ADARB2: variants seen among roughly 807,000 people sequenced by gnomAD.
ADARB2 encodes adenosine deaminase RNA specific B2 (inactive).
In ADARB2, 25 loss-of-function variants were observed where a neutral mutation model predicts 62.2. The observed-to-expected ratio is 0.40, with a 90% CI of 0.29 to 0.56. ADARB2 has a LOEUF of 0.56. Ranked by LOEUF, ADARB2 falls within the 20% of genes least tolerant of loss-of-function variation. The probability of loss-of-function intolerance (pLI) is 0.43; values close to 1 mark genes in which losing one functional copy is unlikely to be tolerated. For synonymous variants in ADARB2, 572 were observed against 500.8 expected (o/e 1.14, Z -1.90); for missense variants, 1,071 against 1,077.4 (o/e 0.99, Z 0.08).
At chr10:1,369,054 G>C (rs1173402472) in intron 2 of ADARB2, among the ~76,000 whole-genome samples, 1 of 152,234 alleles carries the variant, frequency 6.6e-6, no homozygotes, top group Non-Finnish European at 1.5e-5. Flanking sequence ...GCCTCTTGCT[G>C]TAGTGACTGC....
At chr10:1,324,651 T>C (rs534693026) in intron 3 of ADARB2, among the ~76,000 whole-genome samples, 5 of 152,304 alleles carry the variant, frequency 3.3e-5, no homozygotes, top group Admixed American at 6.5e-5. Context: ...TACTGCATGA[T>C]TGCATTTATA....
chr10:1,245,198 A>G lies in ADARB2; in HGVS notation c.1193-2899T>C, dbSNP rs11250356. Among the ~76,000 whole-genome samples, 440 of 152,314 alleles carry G rather than the reference A, an allele frequency of 2.9e-3. 1 individual carries two copies. The highest frequency in any genetic ancestry group is 9.7e-3 in the African/African-American group (403 of 41,574). On this transcript the variant is annotated intron_variant, in intron 4 of 9. Coordinates refer to ENST00000381312, the MANE Select transcript of ADARB2 (RefSeq NM_018702.4). Reference sequence around the variant, plus strand: ...TGGGAGGGACCCAGAGAGCACAGCAAGGACCGAATCCACAGGATTTGGGAA... The same window carrying G: ...TGGGAGGGACCCAGAGAGCACAGCAGGGACCGAATCCACAGGATTTGGGAA...
intron 1 of ADARB2, among the ~76,000 whole-genome samples, chr10:1,577,564 G>A (rs372327609): frequency 1.3e-5 from 2 of 152,358 alleles, no homozygotes; most frequent in East Asian, 3.9e-4. Flanking sequence ...CAGGGCCTCC[G>A]ACCAGGGCTG....
intron 1 of ADARB2, among the ~76,000 whole-genome samples, chr10:1,668,783 G>A (rs879581661): frequency 5.9e-5 from 9 of 152,194 alleles, no homozygotes; most frequent in Non-Finnish European, 1.0e-4. Flanking sequence ...AAGGAGAAGG[G>A]CATTCTAATC....
At chr10:1,481,688 C>T (rs936767428) in intron 1 of ADARB2, among the ~76,000 whole-genome samples, 2 of 151,966 alleles carry the variant, frequency 1.3e-5, no homozygotes, top group Non-Finnish European at 2.9e-5. Context: ...GAAACCCCAT[C>T]TCTACTAAAA....
intron 1 of ADARB2, among the ~76,000 whole-genome samples, chr10:1,634,612 G>A (rs903825225): frequency 6.6e-6 from 1 of 152,174 alleles, no homozygotes; most frequent in Admixed American, 6.5e-5. Flanking sequence ...CATATACTTG[G>A]CAAGATTCCT....
At chr10:1,627,711 G>A (rs1833788396) in intron 1 of ADARB2, among the ~76,000 whole-genome samples, 1 of 152,186 alleles carries the variant, frequency 6.6e-6, no homozygotes, top group African/African-American at 2.4e-5. Context: ...GTTTTCTCTG[G>A]CTTTTCTCTC....
chr10:1,600,746 G>A (rs993444050), intron 1 of ADARB2, among the ~76,000 whole-genome samples: 3 of 151,342 alleles, frequency 2.0e-5, no homozygotes, highest in African/African-American at 7.3e-5. Context: ...ACTAGAAGGA[G>A]TCCCATTGAT....
At chr10:1,690,000 T>C (rs978072918) in intron 1 of ADARB2, among the ~76,000 whole-genome samples, 40 of 152,020 alleles carry the variant, frequency 2.6e-4, no homozygotes, top group Non-Finnish European at 5.9e-5. Context: ...GTTTTTTGTT[T>C]GTTTTTGTTT....
At position 1,182,222 on chromosome 10, in the gene ADARB2, T is replaced by A. The variant is rs1375145498; in HGVS notation, c.*971A>T. On this transcript the variant is annotated 3_prime_UTR_variant, in exon 10 of 10. Transcript: ENST00000381312. ...TCAGAATTTGATCAAAGACTTGGTC[T>A]CCTTATTACCTGGTAGGGAGGTTAT... 3.9e-5 allele frequency: 6 copies of A among 152,264 alleles called. No homozygotes were observed. Among genetic ancestry groups the A allele is most frequent in the Non-Finnish European group, 8.8e-5 (6 of 68,044 alleles). 9.4% of individuals were successfully genotyped at this position (152,264 alleles called of 1,614,324 possible).
At chr10:1,390,190 C>T (rs1832558038) in intron 1 of ADARB2, among the ~76,000 whole-genome samples, 1 of 152,104 alleles carries the variant, frequency 6.6e-6, no homozygotes, top group South Asian at 2.1e-4. Flanking sequence ...TTATGCTGAG[C>T]AAAAAAGTCT....
At chr10:1,437,118 T>A (rs1276689516) in intron 1 of ADARB2, among the ~76,000 whole-genome samples, 1 of 152,190 alleles carries the variant, frequency 6.6e-6, no homozygotes. Flanking sequence ...TAAAAAAATG[T>A]ACAAACTTCA....
chr10:1,655,491 G>A (rs1422382075), intron 1 of ADARB2, among the ~76,000 whole-genome samples: 1 of 152,186 alleles, frequency 6.6e-6, no homozygotes, highest in African/African-American at 2.4e-5. Context: ...TACCTAATTT[G>A]CTATTGATTA....
At chr10:1,724,006 G>A (rs907695888) in intron 1 of ADARB2, among the ~76,000 whole-genome samples, 4 of 152,210 alleles carry the variant, frequency 2.6e-5, no homozygotes, top group African/African-American at 9.7e-5. Context: ...TTCCGAAGGT[G>A]AATTTCTGTG....
At chr10:1,452,624 G>C (rs1014103904) in intron 1 of ADARB2, among the ~76,000 whole-genome samples, 55 of 144,352 alleles carry the variant, frequency 3.8e-4, no homozygotes, top group African/African-American at 1.1e-3. Context: ...GGTTGGGGGG[G>C]GGAATATCAC....
chr10:1,636,556 C>T (rs1318922987), intron 1 of ADARB2, among the ~76,000 whole-genome samples: 1 of 151,872 alleles, frequency 6.6e-6, no homozygotes, highest in Non-Finnish European at 1.5e-5. Context: ...TGGGGGGAGG[C>T]TCCGCACAGA....
chr10:1,195,008 T>C (rs1179095729), intron 8 of ADARB2, among the ~76,000 whole-genome samples: 1 of 152,214 alleles, frequency 6.6e-6, no homozygotes, highest in African/African-American at 2.4e-5. Context: ...AAGTCAGGAG[T>C]GGAGACCATT....
chr10:1,518,871 G>A (rs1157617732), intron 1 of ADARB2, among the ~76,000 whole-genome samples: 1 of 151,588 alleles, frequency 6.6e-6, no homozygotes, highest in Non-Finnish European at 1.5e-5. Context: ...TCATACACAT[G>A]CATTCCATGT....
At chr10:1,315,659 G>A (rs1045639972) in intron 3 of ADARB2, among the ~76,000 whole-genome samples, 11 of 152,226 alleles carry the variant, frequency 7.2e-5, no homozygotes, top group African/African-American at 2.7e-4. Context: ...GAGGGGCTTT[G>A]AGGGGCCCCT....
Sources: gnomAD v4.1 joint callset for allele counts (sites outside exome capture counted in the v4.1 genomes callset) on GRCh38, gnomAD v4.1.1 for gene constraint, MANE v1.5 for transcripts, NCBI Gene and HGNC (gene_info 2026-07-23, HGNC 2026-07-21) for gene names.